The following KIAA1217 variants were observed in gnomAD, a reference collection of about 807,000 sequenced individuals.
The protein encoded by KIAA1217 is sickle tail protein homolog.
A neutral mutation model predicts 163.9 loss-of-function variants in KIAA1217; 88 were observed. The ratio of observed to expected loss-of-function variants is 0.54; its 90% CI spans 0.45 to 0.64. The LOEUF (loss-of-function observed/expected upper bound fraction) is 0.64, where lower values mean the gene tolerates loss of function less well. Ranked by LOEUF, KIAA1217 falls within the 30% of genes least tolerant of loss-of-function variation. The pLI is 0.00. For missense variants in KIAA1217, 2,372 were observed against 2,475.0 expected (o/e 0.96, Z 0.88); for synonymous variants, 903 against 923.1 (o/e 0.98, Z 0.39).
intron 1 of KIAA1217, among the ~76,000 whole-genome samples, chr10:23,723,824 T>C (rs767972883): frequency 2.1e-4 from 32 of 152,214 alleles, no homozygotes; most frequent in Non-Finnish European, 3.2e-4. Flanking sequence ...ACATGTGTAT[T>C]AGGCCGTTCT....
At chr10:24,020,767 C>T (rs1847698439) in intron 2 of KIAA1217, among the ~76,000 whole-genome samples, 1 of 151,852 alleles carries the variant, frequency 6.6e-6, no homozygotes, top group Admixed American at 6.6e-5. Context: ...AACACAAGGA[C>T]TGAGCAAAAA....
chr10:24,169,666 A>G (rs1014707175), intron 2 of KIAA1217, among the ~76,000 whole-genome samples: 12 of 152,086 alleles, frequency 7.9e-5, no homozygotes, highest in South Asian at 2.1e-4. Context: ...AACTTGTCCA[A>G]TGTTTGCTGT....
chr10:24,101,857 A>G (rs1486917752), intron 2 of KIAA1217, among the ~76,000 whole-genome samples: 1 of 152,082 alleles, frequency 6.6e-6, no homozygotes, highest in Admixed American at 6.6e-5. Context: ...TGGATGTTGG[A>G]TTTTTAGTGT....
chr10:24,506,759 G>A (rs899749694), intron 9 of KIAA1217, among the ~76,000 whole-genome samples: 2 of 152,212 alleles, frequency 1.3e-5, no homozygotes, highest in Admixed American at 1.3e-4. Flanking sequence ...GTGCAGGAAG[G>A]AAAAACCCAA....
intron 3 of KIAA1217, among the ~76,000 whole-genome samples, chr10:24,385,371 G>A (rs1475205721): frequency 6.6e-6 from 1 of 152,190 alleles, no homozygotes; most frequent in East Asian, 1.9e-4. Context: ...GAGAAAGTGT[G>A]GGGAACAGTA....
chr10:23,710,867 T>G (rs1837207797), intron 1 of KIAA1217, among the ~76,000 whole-genome samples: 1 of 152,202 alleles, frequency 6.6e-6, no homozygotes, highest in Non-Finnish European at 1.5e-5. Flanking sequence ...CCATCTATCC[T>G]TCTTATTCTC....
At chr10:23,726,019 A>G (rs1838110204) in intron 1 of KIAA1217, among the ~76,000 whole-genome samples, 1 of 93,170 alleles carries the variant, frequency 1.1e-5, no homozygotes. Flanking sequence ...TTCCTCACTC[A>G]AAAAGGGACC....
chr10:24,503,885 A>T (rs1053662799), intron 9 of KIAA1217, among the ~76,000 whole-genome samples: 4 of 152,194 alleles, frequency 2.6e-5, no homozygotes, highest in African/African-American at 9.7e-5. Context: ...TAAGAAAAAC[A>T]TACATATCAT....
intron 9 of KIAA1217, among the ~76,000 whole-genome samples, chr10:24,502,152 C>T (rs1017864079): frequency 6.6e-6 from 1 of 151,130 alleles, no homozygotes; most frequent in Non-Finnish European, 1.5e-5. Context: ...GGGAGCATGC[C>T]GACAGCCAGT....
At chr10:24,520,359 C>T in intron 11 of KIAA1217, 106 bp downstream of exon 11, 3 of 1,451,030 alleles carry the variant, frequency 2.1e-6, no homozygotes, top group South Asian at 1.3e-5. Context: ...ATTTATTAAA[C>T]GTCTACATGT....
chr10:24,265,071 C>A (rs1247219993), intron 2 of KIAA1217, among the ~76,000 whole-genome samples: 1 of 152,026 alleles, frequency 6.6e-6, no homozygotes, highest in Non-Finnish European at 1.5e-5. Flanking sequence ...ACCATGTTAC[C>A]CAGGCTGGTC....
chr10:24,274,616 A>G lies in KIAA1217; in HGVS notation c.354+54707A>G, dbSNP rs376840556. Among the ~76,000 whole-genome samples the G allele has an allele frequency of 2.4e-4, 37 of 152,280 alleles. 1 individual carries two copies. The highest frequency in any genetic ancestry group is 1.0e-3 in the Admixed American group (16 of 15,288). On this transcript the variant is annotated intron_variant, in intron 2 of 20. Transcript: ENST00000376454. ...TCTATAAACTTGCCCTAAATACTGC[A>G]TTAGTGAGTCCTGAATTTATTAGTT...
chr10:23,923,520 G>A (rs1180096916), intron 1 of KIAA1217, among the ~76,000 whole-genome samples: 2 of 152,094 alleles, frequency 1.3e-5, no homozygotes, highest in Non-Finnish European at 1.5e-5. Flanking sequence ...TGTGATCACA[G>A]GCATCTTTGT....
intron 1 of KIAA1217, among the ~76,000 whole-genome samples, chr10:23,739,870 A>G (rs2130807485): frequency 6.6e-6 from 1 of 152,298 alleles, no homozygotes; most frequent in African/African-American, 2.4e-5. Context: ...CTCTAGATAT[A>G]TTCTGAAGCA....
At chr10:24,093,649 T>A (rs12268629) in intron 2 of KIAA1217, among the ~76,000 whole-genome samples, 2,545 of 151,766 alleles carry the variant, frequency 0.017, 134 homozygotes, top group African/African-American at 0.059. Flanking sequence ...GTTACTTTTT[T>A]AAATTTTATT....
chr10:24,152,138 T>C (rs1420641914), intron 2 of KIAA1217, among the ~76,000 whole-genome samples: 1 of 152,194 alleles, frequency 6.6e-6, no homozygotes, highest in Non-Finnish European at 1.5e-5. Flanking sequence ...GGTTCTTAGA[T>C]ATGGGCAATA....
intron 2 of KIAA1217, among the ~76,000 whole-genome samples, chr10:24,054,516 G>C (rs939326636): frequency 6.6e-6 from 1 of 152,212 alleles, no homozygotes; most frequent in Non-Finnish European, 1.5e-5. Context: ...ATTAAGCCTT[G>C]TGTGCACTAA....
intron 1 of KIAA1217, among the ~76,000 whole-genome samples, chr10:23,850,768 C>A (rs1277272865): frequency 6.6e-6 from 1 of 152,066 alleles, no homozygotes; most frequent in Non-Finnish European, 1.5e-5. Context: ...GTTCTGCAAG[C>A]TGTACAGGAA....
intron 2 of KIAA1217, among the ~76,000 whole-genome samples, chr10:24,110,415 T>C (rs541426365): frequency 2.0e-5 from 3 of 152,350 alleles, no homozygotes; most frequent in East Asian, 3.9e-4. Flanking sequence ...CTATTAATGA[T>C]TGTTATGATT....
Sources: gnomAD v4.1 joint callset for allele counts (sites outside exome capture counted in the v4.1 genomes callset) on GRCh38, gnomAD v4.1.1 for gene constraint, MANE v1.5 for transcripts, NCBI Gene and HGNC (gene_info 2026-07-23, HGNC 2026-07-21) for gene names.